The following LTB4R variants were observed in gnomAD, a reference collection of about 807,000 sequenced individuals.
LTB4R encodes leukotriene B4 receptor.
For synonymous variants in LTB4R, 250 were observed against 230.7 expected, an observed-to-expected ratio of 1.08 and a Z score of -0.76; for missense variants, 470 against 485.6, an observed-to-expected ratio of 0.97 and a Z score of 0.30.
rs774601374 is a variant in LTB4R, at chr14:24,316,243, G to A, written c.592G>A (p.Val198Met). The A allele has an allele frequency of 6.2e-7, 1 of 1,613,286 alleles. No homozygotes were observed. Residue 198 changes from valine to methionine, a missense_variant, in exon 2 of 2, where the codon GTG becomes ATG. By Grantham distance (21) the Val-to-Met change is conservative (BLOSUM62 1). Transcript: ENST00000345363. ...TGFLLPFLAV[V>M]ASYSDIGRRL... is the part of the protein sequence containing the mutation. ...CTTCCTGCTGCCCTTCCTGGCTGTG[G>A]TGGCCAGCTACTCGGACATAGGGCG...
In LTB4R at chr14:24,316,536, G is replaced by C. The variant is rs920018399; in HGVS notation, c.885G>C (p.Ser295=). 3 of 1,442,842 alleles carry C rather than the reference G, an allele frequency of 2.1e-6. No homozygotes were observed. Among genetic ancestry groups the C allele is most frequent in the Non-Finnish European group, 2.7e-6 (3 of 1,105,624 alleles). The allele number at this position is 1,442,842 out of a possible 1,614,324, so 89.4% of individuals were successfully genotyped here. ...GCGCCGGCGGCGGCCTGCTGCGCTCGGCGGGCGTGGGCTTCGTCGCCAAGC... is the reference window on the plus strand; with the variant it reads ...GCGCCGGCGGCGGCCTGCTGCGCTCCGCGGGCGTGGGCTTCGTCGCCAAGC... ...YACAGGGLLR[S]AGVGFVAKLL... The change falls in exon 2 of 2, where the codon TCG becomes TCC. Residue 295 remains serine, a synonymous_variant. Transcript: ENST00000345363.
In LTB4R at chr14:24,316,929, A is replaced by T; in HGVS notation, c.*219A>T. ...AGGCAGCTTTAACCATTAAAACTGA[A>T]GTCTGAAATTTGGTCAACCTTGTGA... On this transcript the variant is annotated 3_prime_UTR_variant, in exon 2 of 2. Coordinates refer to ENST00000345363, the MANE Select transcript of LTB4R (RefSeq NM_001143919.3). 1 of 440,572 alleles carries T rather than the reference A, an allele frequency of 2.3e-6. No individual in the cohort carries two copies. The highest frequency in any genetic ancestry group is 3.8e-5 in the East Asian group (1 of 26,590). 27.3% of individuals were successfully genotyped at this position (440,572 alleles called of 1,614,324 possible).
chr14:24,316,663 G>T lies in LTB4R; in HGVS notation c.1012G>T (p.Glu338Ter). ...GPAALEPGPS[E>*]SLTASSPLKL... ...CGCCGCTCTGGAGCCCGGCCCTTCC[G>T]AGAGCCTCACTGCCTCCAGCCCTCT... The change falls in exon 2 of 2, where the codon GAG becomes TAG. Residue 338 changes from glutamate to a stop codon, truncating the protein, a stop_gained. Coordinates refer to ENST00000345363, the MANE Select transcript of LTB4R (RefSeq NM_001143919.3). LOFTEE classifies it low-confidence loss of function (END_TRUNC). 1 of 1,541,330 alleles carries T rather than the reference G, an allele frequency of 6.5e-7. No homozygotes were observed. The highest frequency in any genetic ancestry group is 2.0e-5 in the Admixed American group (1 of 50,880).
rs2041788849 is a variant in LTB4R at position 24,317,644 on chromosome 14, A to G, written c.*934A>G. ...TTTTGGATCTTTCTCATAAAAAAAC[A>G]AAAGAGCAAGTAAGAGAGGGAAACC... is the stretch of plus-strand genomic sequence containing the variant. On this transcript the variant is annotated 3_prime_UTR_variant, in exon 2 of 2. Transcript: ENST00000345363. The G allele has an allele frequency of 3.0e-5, 5 of 166,904 alleles. No homozygotes were observed. 10.3% of individuals were successfully genotyped at this position (166,904 alleles called of 1,614,324 possible).
Position 24,316,496 on chromosome 14 carries a change from C to T in LTB4R, c.845C>T (p.Pro282Leu). 1.3e-6 allele frequency: 2 copies of T among 1,540,168 alleles called. No individual in the cohort carries two copies. Among genetic ancestry groups the T allele is most frequent in the Non-Finnish European group, 1.7e-6 (2 of 1,147,168 alleles). Residue 282 changes from proline (P) to leucine (L), a missense_variant, in exon 2 of 2, where the codon CCC (proline) becomes CTC (leucine). Transcript: ENST00000345363. Reference sequence around the variant, plus strand: ...GCCTTCCTGAGCAGCAGCGTGAACCCCGTGCTGTACGCGTGCGCCGGCGGC... The same window carrying T: ...GCCTTCCTGAGCAGCAGCGTGAACCTCGTGCTGTACGCGTGCGCCGGCGGC... The part of the protein sequence containing the change: ...ALAFLSSSVN[P>L]VLYACAGGGL...
Position 24,316,568 on chromosome 14 carries a change from A to T in LTB4R, c.917A>T (p.Glu306Val). The change falls in exon 2 of 2, where the codon GAG becomes GTG. Residue 306 changes from glutamate (E) to valine (V), a missense_variant. Coordinates refer to ENST00000345363, the MANE Select transcript of LTB4R (RefSeq NM_001143919.3). ...AGVGFVAKLL[E>V]GTGSEASSTR... ...GTGGGCTTCGTCGCCAAGCTGCTGG[A>T]GGGCACGGGCTCCGAGGCGTCCAGC... The T allele has an allele frequency of 3.5e-6, 5 of 1,437,538 alleles. No homozygotes were observed. The highest frequency in any genetic ancestry group is 3.6e-6 in the Non-Finnish European group (4 of 1,102,932). The allele number at this position is 1,437,538 out of a possible 1,614,324, so 89.0% of individuals were successfully genotyped here. A position where few individuals can be genotyped will look rare whatever the true frequency, so the allele number is the denominator to read the frequency against.
rs1423699214 is a variant in LTB4R at position 24,317,254 on chromosome 14, C to T, written c.*544C>T. 6.0e-6 allele frequency: 1 copy of T among 167,274 alleles called. No individual in the cohort carries two copies. The highest frequency in any genetic ancestry group is 2.4e-5 in the African/African-American group (1 of 41,462). 10.4% of individuals were successfully genotyped at this position (167,274 alleles called of 1,614,324 possible). ...AGAAAACAGCACTGCTGTGAAATATCTTCCTTGAAGCCTGTGATAAGTCTC... is the reference window on the plus strand; with the variant it reads ...AGAAAACAGCACTGCTGTGAAATATTTTCCTTGAAGCCTGTGATAAGTCTC... On this transcript the variant is annotated 3_prime_UTR_variant, in exon 2 of 2. Coordinates refer to ENST00000345363, the MANE Select transcript of LTB4R (RefSeq NM_001143919.3).
chr14:24,313,034 C>T (rs2041735901), intron 1 of LTB4R, among the ~76,000 whole-genome samples: 1 of 152,176 alleles, frequency 6.6e-6, no homozygotes, highest in Non-Finnish European at 1.5e-5. Context: ...TCCCCAGGGT[C>T]ATGCTAGGGC....
At position 24,316,059 on chromosome 14, in the gene LTB4R, G is replaced by A; in HGVS notation, c.408G>A (p.Arg136=). ...TACGCACCAAGGCGATGGCCCGGCG[G>A]GTGCTGGCAGGCATCTGGGTGTTGT... ...QKLRTKAMAR[R]VLAGIWVLSF... Residue 136 remains arginine, a synonymous_variant, in exon 2 of 2, where the codon CGG becomes CGA. Coordinates refer to ENST00000345363, the MANE Select transcript of LTB4R (RefSeq NM_001143919.3). 2 of 1,613,292 alleles carry A rather than the reference G, an allele frequency of 1.2e-6. No individual in the cohort carries two copies. Among genetic ancestry groups the A allele is most frequent in the Non-Finnish European group, 1.7e-6 (2 of 1,180,022 alleles).
intron 1 of LTB4R, among the ~76,000 whole-genome samples, 157 bp from the exon 2 acceptor site, chr14:24,315,475 TTTAAG>T (rs2041759473): frequency 6.6e-6 from 1 of 152,118 alleles, no homozygotes; most frequent in Non-Finnish European, 1.5e-5. Flanking sequence ...ACCAGATCCC[TTTAAG>T]TTGTCAGTCT....
Position 24,316,752 on chromosome 14 carries a change from A to C in LTB4R, c.*42A>C. The C allele has an allele frequency of 6.9e-7, 1 of 1,453,154 alleles. No individual in the cohort carries two copies. The highest frequency in any genetic ancestry group is 1.5e-5 in the African/African-American group (1 of 67,332). The allele number at this position is 1,453,154 out of a possible 1,614,324, so 90.0% of individuals were successfully genotyped here. Reference sequence around the variant, plus strand: ...CGCACTTTCCTCCTGGCAGAATGCTAGCTCTGAGCCAGTTCAGTACCTGGA... The same window carrying C: ...CGCACTTTCCTCCTGGCAGAATGCTCGCTCTGAGCCAGTTCAGTACCTGGA... On this transcript the variant is annotated 3_prime_UTR_variant, in exon 2 of 2. Coordinates refer to ENST00000345363, the MANE Select transcript of LTB4R (RefSeq NM_001143919.3).
Position 24,311,544 on chromosome 14 carries a change from G to T in LTB4R, c.-276G>T, listed in dbSNP as rs1364553545. 29 of 1,606,708 alleles carry T rather than the reference G, an allele frequency of 1.8e-5. No homozygotes were observed. Among genetic ancestry groups the T allele is most frequent in the Non-Finnish European group, 2.5e-5 (29 of 1,180,008 alleles). On this transcript the variant is annotated 5_prime_UTR_variant, in exon 1 of 2. Coordinates refer to ENST00000345363, the MANE Select transcript of LTB4R (RefSeq NM_001143919.3). ...GGTGCTCTACGTCTTCACCGCTGGA[G>T]ATCTGCTGCCCCGGGCAGGTCCCCG...
intron 1 of LTB4R, chr14:24,315,006 T>A (rs1377108232): frequency 6.5e-6 from 1 of 153,212 alleles, no homozygotes; most frequent in East Asian, 1.9e-4. Flanking sequence ...AACCAGTTCC[T>A]GCCAAAGCTT....
At position 24,316,009 on chromosome 14, in the gene LTB4R, G is replaced by T; in HGVS notation, c.358G>T (p.Ala120Ser). 2 of 1,613,748 alleles carry T rather than the reference G, an allele frequency of 1.2e-6. No homozygotes were observed. The highest frequency in any genetic ancestry group is 1.7e-6 in the Non-Finnish European group (2 of 1,180,022). The change falls in exon 2 of 2, where the codon GCC (alanine) becomes TCC (serine). Residue 120 changes from alanine to serine, a missense_variant. Ala to Ser is a moderately conservative substitution (Grantham distance 99). Transcript: ENST00000345363. ...GAGTCTAGACCGCTCACTGGCGGTG[G>T]CCCGCCCCTTTGTGTCCCAGAAGCT... is the stretch of plus-strand genomic sequence containing the variant. ...AMSLDRSLAV[A>S]RPFVSQKLRT...
rs1366381638 is a variant in LTB4R, at chr14:24,311,716, A to C, written c.-104A>C. On this transcript the variant is annotated 5_prime_UTR_variant, in exon 1 of 2. Coordinates refer to ENST00000345363, the MANE Select transcript of LTB4R (RefSeq NM_001143919.3). ...GGAGACCCGGGGGGTGGGATGGAGA[A>C]GGACGGTCCGGAATGGGACCTTTGA... The C allele has an allele frequency of 6.2e-7, 1 of 1,600,454 alleles. No individual in the cohort carries two copies. Among genetic ancestry groups the C allele is most frequent in the Non-Finnish European group, 8.5e-7 (1 of 1,171,860 alleles).
Position 24,316,419 on chromosome 14 carries a change from A to G in LTB4R, c.768A>G (p.Leu256=). 1 of 1,578,376 alleles carries G rather than the reference A, an allele frequency of 6.3e-7. No homozygotes were observed. The highest frequency in any genetic ancestry group is 1.1e-5 in the South Asian group (1 of 88,202). ...GRALAGQAAG[L]GLVGKRLSLA... ...CGCTGGCCGGCCAGGCCGCCGGGTT[A>G]GGGCTCGTGGGGAAGCGGCTGAGCC... is the stretch of plus-strand genomic sequence containing the variant. Residue 256 remains leucine (L), a synonymous_variant, in exon 2 of 2, where the codon TTA becomes TTG. Coordinates refer to ENST00000345363, the MANE Select transcript of LTB4R (RefSeq NM_001143919.3).
At chr14:24,314,284 A>C (rs1212413053) in intron 1 of LTB4R, 1 of 152,200 alleles carries the variant, frequency 6.6e-6, no homozygotes, top group Non-Finnish European at 1.5e-5. Context: ...AAGAGAATGG[A>C]GAATTGGTTG....
intron 1 of LTB4R, among the ~76,000 whole-genome samples, chr14:24,312,335 A>G (rs893361886): frequency 1.3e-5 from 2 of 152,226 alleles, no homozygotes; most frequent in Non-Finnish European, 1.5e-5. Context: ...GGGGAAAATG[A>G]ATCTGTGGGG....
In LTB4R at chr14:24,316,761, C is replaced by G. The variant is rs2041779219; in HGVS notation, c.*51C>G. 7.1e-7 allele frequency: 1 copy of G among 1,412,396 alleles called. No homozygotes were observed. The allele number at this position is 1,412,396 out of a possible 1,614,324, so 87.5% of individuals were successfully genotyped here. A position where few individuals can be genotyped will look rare whatever the true frequency, so the allele number is the denominator to read the frequency against. ...CTCCTGGCAGAATGCTAGCTCTGAG[C>G]CAGTTCAGTACCTGGAGGAGGAGCA... On this transcript the variant is annotated 3_prime_UTR_variant, in exon 2 of 2. Coordinates refer to ENST00000345363, the MANE Select transcript of LTB4R (RefSeq NM_001143919.3).
Sources: gnomAD v4.1 joint callset for allele counts (sites outside exome capture counted in the v4.1 genomes callset) on GRCh38, gnomAD v4.1.1 for gene constraint, MANE v1.5 for transcripts, NCBI Gene and HGNC (gene_info 2026-07-23, HGNC 2026-07-21) for gene names.